Variants in MELTF observed in about 807,000 individuals in gnomAD.
The protein encoded by MELTF is melanotransferrin, also known as antigen p97 (melanoma associated) identified by monoclonal antibodies 133.2 and 96.5.
Under a neutral mutation model 83.7 loss-of-function variants are expected in MELTF, and 67 were observed. That is an observed-to-expected ratio of 0.80 (90% CI 0.66 to 0.98). The LOEUF is 0.98. MELTF is among the 50% of genes least tolerant of loss of function. The probability of loss-of-function intolerance (pLI) is 0.00; values close to 1 mark genes in which losing one functional copy is unlikely to be tolerated. For missense variants in MELTF, 1,002 were observed against 1,035.6 expected, an observed-to-expected ratio of 0.97 and a Z score of 0.44; for synonymous variants, 462 against 447.6, an observed-to-expected ratio of 1.03 and a Z score of -0.41.
At chr3:197,019,213 GC>G in intron 6 of MELTF, 1 of 1,002,160 alleles carries the variant, frequency 1.0e-6, no homozygotes, top group Non-Finnish European at 1.2e-6. Flanking sequence ...CTGTTTTTCG[GC>G]GGCTGCAAAA....
At chr3:197,012,967 G>A (rs1001133279) in intron 9 of MELTF, among the ~76,000 whole-genome samples, 2 of 152,166 alleles carry the variant, frequency 1.3e-5, no homozygotes, top group African/African-American at 2.4e-5. Flanking sequence ...AAAAGTTTCC[G>A]TTCACTAGAT....
rs1047461157 is a variant in MELTF, at chr3:197,026,902, C to T, written c.205-143G>A. On this transcript the variant is annotated intron_variant, in intron 2 of 15. Transcript: ENST00000296350. ...TTCTCATCTGTCCCAGGAGCCCAAC[C>T]AGAGCCCAGGGCTCTCCCCCTTTCC... 122 of 642,204 alleles carry T rather than the reference C, an allele frequency of 1.9e-4. 1 individual carries two copies. The East Asian group carries it at 3.3e-3, about 18-fold the overall frequency. 39.8% of individuals were successfully genotyped at this position (642,204 alleles called of 1,614,324 possible).
Position 197,003,904 on chromosome 3 carries a change from C to T in MELTF, c.2134G>A (p.Ala712Thr), listed in dbSNP as rs1470221719. ...EGMSSQQCSG[A>T]AAPAPGAPLL... ...CGGCAGGGCGGGCCTGTCCTACCTG[C>T]GCCCGAGCACTGCTGAGACGACATC... is the stretch of plus-strand genomic sequence containing the variant. Residue 712 changes from alanine (A) to threonine (T), a missense_variant, in exon 15 of 16, where the codon GCA becomes ACA. Physicochemically the swap from Ala to Thr is moderately conservative, Grantham distance 58. Coordinates refer to ENST00000296350, the MANE Select transcript of MELTF (RefSeq NM_005929.6). The surrounding 1 kb of genome is among the most constrained non-coding windows in gnomAD (Gnocchi z 6.2). The T allele has an allele frequency of 3.1e-6, 5 of 1,613,238 alleles. No individual in the cohort carries two copies. The highest frequency in any genetic ancestry group is 2.2e-5 in the East Asian group (1 of 44,866).
At chr3:197,014,553 A>AAGG (rs899155981) in intron 9 of MELTF, among the ~76,000 whole-genome samples, 2 of 151,918 alleles carry the variant, frequency 1.3e-5, no homozygotes, top group Admixed American at 6.6e-5. Flanking sequence ...ATGCTCGGCT[A>AAGG]ATTTTTTTGT....
intron 1 of MELTF, chr3:197,028,589 C>T (rs900306836): frequency 1.3e-5 from 2 of 152,838 alleles, no homozygotes; most frequent in African/African-American, 4.8e-5. Flanking sequence ...TGAAAGTAAA[C>T]CCCCTTGTAG....
rs763318964 is a variant in MELTF, at chr3:197,009,731, C to T, written c.1412G>A (p.Arg471Gln). ...SSHAFTLDEL[R>Q]GKRSCHAGFG... ...ACCGGCGTGGCAGGAGCGCTTGCCCCGAAGCTCATCCAAGGTGAAGGCGTG... is the reference window on the plus strand; with the variant it reads ...ACCGGCGTGGCAGGAGCGCTTGCCCTGAAGCTCATCCAAGGTGAAGGCGTG... The change falls in exon 11 of 16, where the codon CGG (arginine) becomes CAG (glutamine). Residue 471 changes from arginine to glutamine, a missense_variant. By Grantham distance (43) the Arg-to-Gln change is conservative. Coordinates refer to ENST00000296350, the MANE Select transcript of MELTF (RefSeq NM_005929.6). The T allele has an allele frequency of 1.3e-4, 216 of 1,613,494 alleles. 1 individual carries two copies. Among genetic ancestry groups the T allele is most frequent in the Non-Finnish European group, 1.7e-4 (205 of 1,180,044 alleles).
intron 11 of MELTF, 118 bp downstream of exon 11, chr3:197,009,500 G>A (rs190760329): frequency 1.1e-4 from 107 of 940,678 alleles, no homozygotes; most frequent in Non-Finnish European, 6.2e-5. Context: ...AGATACCTGG[G>A]CACATATGCA....
At chr3:197,028,522 C>T (rs1719955159) in intron 1 of MELTF, 1 of 153,072 alleles carries the variant, frequency 6.5e-6, no homozygotes, top group Non-Finnish European at 1.5e-5. Context: ...TAGGTTCAAG[C>T]CTCTCTGAGC....
In MELTF at chr3:197,006,139, T is replaced by G. The variant is rs2108953988; in HGVS notation, c.1938+410A>C. ...AGGAGGCTGAGGTGGGAGAATGGCG[T>G]GAACCCGGGAGGCGGAGCTTGCAGT... On this transcript the variant is annotated intron_variant, in intron 14 of 15. Transcript: ENST00000296350. The surrounding 1 kb of genome is among the most constrained non-coding windows in gnomAD (Gnocchi z 5.4). Among the ~76,000 whole-genome samples the G allele has an allele frequency of 6.6e-6, 1 of 151,770 alleles. No individual in the cohort carries two copies. Among genetic ancestry groups the G allele is most frequent in the East Asian group, 1.9e-4 (1 of 5,140 alleles).
chr3:197,026,832 G>A, intron 2 of MELTF, 73 bp from the exon 3 acceptor site: 2 of 1,413,162 alleles, frequency 1.4e-6, no homozygotes, highest in South Asian at 2.3e-5. Context: ...ACACCTACCA[G>A]ATGGCCTGGG....
chr3:197,005,758 C>T (rs1718949139), intron 14 of MELTF, among the ~76,000 whole-genome samples: 1 of 132,088 alleles, frequency 7.6e-6, no homozygotes, highest in African/African-American at 3.0e-5. Flanking sequence ...GTGACCTTGA[C>T]AAGAACAGCT....
rs1160168402 is a variant in MELTF, at chr3:197,022,123, C to G, written c.645-652G>C. Among the ~76,000 whole-genome samples, 1 of 152,210 alleles carries G rather than the reference C, an allele frequency of 6.6e-6. No individual in the cohort carries two copies. Among genetic ancestry groups the G allele is most frequent in the Non-Finnish European group, 1.5e-5 (1 of 68,046 alleles). On this transcript the variant is annotated intron_variant, in intron 5 of 15. Coordinates refer to ENST00000296350, the MANE Select transcript of MELTF (RefSeq NM_005929.6). The surrounding 1 kb of genome is among the most constrained non-coding windows in gnomAD (Gnocchi z 5.1). The stretch of plus-strand genomic sequence containing the variant: ...AATCCTCAGTGGAAGGGACCATTGA[C>G]TTTTACACGATCTGCTGATGTCACT...
rs372423742 is a variant in MELTF at position 197,027,890 on chromosome 3, G to A, written c.70C>T (p.Arg24Trp). 1.9e-6 allele frequency: 3 copies of A among 1,598,394 alleles called. No homozygotes were observed. Among genetic ancestry groups the A allele is most frequent in the Non-Finnish European group, 1.7e-6 (2 of 1,174,160 alleles). ...LRTVLGGMEV[R>W]WCATSDPEQH... ...TCTGGGTCCGAGGTGGCGCACCACC[G>A]CACCTCCATGCCACCGAGCACTGCG... Residue 24 changes from arginine to tryptophan, a missense_variant, in exon 2 of 16, where the codon CGG (arginine) becomes TGG (tryptophan). By Grantham distance (101) the Arg-to-Trp change is moderately radical (BLOSUM62 -3). Coordinates refer to ENST00000296350, the MANE Select transcript of MELTF (RefSeq NM_005929.6).
rs1718972447 is a variant in MELTF at position 197,006,238 on chromosome 3, A to G, written c.1938+311T>C. Among the ~76,000 whole-genome samples, 1 of 152,084 alleles carries G rather than the reference A, an allele frequency of 6.6e-6. No individual in the cohort carries two copies. The highest frequency in any genetic ancestry group is 6.5e-5 in the Admixed American group (1 of 15,274). On this transcript the variant is annotated intron_variant, in intron 14 of 15. Coordinates refer to ENST00000296350, the MANE Select transcript of MELTF (RefSeq NM_005929.6). The surrounding 1 kb of genome is among the most constrained non-coding windows in gnomAD (Gnocchi z 5.4). ...CTCCGTCTCAAAAAAAAAAGAAAAA[A>G]AGGGAGCAGGATTACAGCTGCAAGA...
chr3:197,009,107 C>T, intron 11 of MELTF, 142 bp from the exon 12 acceptor site: 1 of 942,826 alleles, frequency 1.1e-6, no homozygotes, highest in East Asian at 2.6e-5. Context: ...CCCCTCAGCT[C>T]TGAGTGGAGT....
At position 197,027,794 on chromosome 3, in the gene MELTF, G is replaced by A. The variant is rs145950158; in HGVS notation, c.166C>T (p.Arg56Trp). ...ACGCAGTGGTCGGCGGAGGTGCCCCGGACGCAGAGGAGGGAGGGCTGGATG... is the reference window on the plus strand; with the variant it reads ...ACGCAGTGGTCGGCGGAGGTGCCCCAGACGCAGAGGAGGGAGGGCTGGATG... ...AGIQPSLLCVRGTSADHCVQL... is the reference protein window; with the variant it reads ...AGIQPSLLCVWGTSADHCVQL... Residue 56 changes from arginine (R) to tryptophan (W), a missense_variant, in exon 2 of 16, where the codon CGG becomes TGG. Physicochemically the swap from Arg to Trp is moderately radical, Grantham distance 101. Transcript: ENST00000296350. 1.3e-5 allele frequency: 21 copies of A among 1,610,570 alleles called. No individual in the cohort carries two copies. The highest frequency in any genetic ancestry group is 3.5e-4 in the Middle Eastern group (2 of 5,664).
At position 197,029,627 on chromosome 3, in the gene MELTF, C is replaced by A. The variant is rs952317189; in HGVS notation, c.49+27G>T. ...CGCGGCGCCCCGGGACCCCCGCCCGCCTTTGGCTCTCACAGCGGGGCCTCA... is the reference window on the plus strand; with the variant it reads ...CGCGGCGCCCCGGGACCCCCGCCCGACTTTGGCTCTCACAGCGGGGCCTCA... On this transcript the variant is annotated intron_variant, in intron 1 of 15. Transcript: ENST00000296350. The surrounding 1 kb of genome is among the most constrained non-coding windows in gnomAD (Gnocchi z 6.5). 2 of 1,241,438 alleles carry A rather than the reference C, an allele frequency of 1.6e-6. No individual in the cohort carries two copies. Among genetic ancestry groups the A allele is most frequent in the Non-Finnish European group, 2.0e-6 (2 of 993,346 alleles). The allele number at this position is 1,241,438 out of a possible 1,614,324, so 76.9% of individuals were successfully genotyped here.
Position 197,003,274 on chromosome 3 carries a change from G to A in MELTF, c.*98C>T, listed in dbSNP as rs1352982903. ...GGAGGCGCCTGCTCCCGCCCACGCC[G>A]GGCCCGGCCTTCGCGAGCTTCCTTC... On this transcript the variant is annotated 3_prime_UTR_variant, in exon 16 of 16. Coordinates refer to ENST00000296350, the MANE Select transcript of MELTF (RefSeq NM_005929.6). The surrounding 1 kb of genome is among the most constrained non-coding windows in gnomAD (Gnocchi z 6.2). 1 of 1,004,448 alleles carries A rather than the reference G, an allele frequency of 1.0e-6. No homozygotes were observed. The highest frequency in any genetic ancestry group is 4.7e-5 in the South Asian group (1 of 21,392). The allele number at this position is 1,004,448 out of a possible 1,614,324, so 62.2% of individuals were successfully genotyped here.
intron 6 of MELTF, among the ~76,000 whole-genome samples, chr3:197,017,516 T>A (rs1383417609): frequency 6.6e-6 from 1 of 152,192 alleles, no homozygotes; most frequent in Non-Finnish European, 1.5e-5. Flanking sequence ...ATTGCTAAAG[T>A]GAATTGGAGG....
Sources: allele counts gnomAD v4.1 joint callset (sites outside exome capture counted in the v4.1 genomes callset), GRCh38; gene constraint gnomAD v4.1.1; non-coding constraint Gnocchi (gnomAD v3.1); transcripts MANE v1.5; gene names NCBI Gene and HGNC (gene_info 2026-07-23, HGNC 2026-07-21).